The following NCF1 variants were observed in gnomAD, a reference collection of about 807,000 sequenced individuals.
NCF1 encodes the protein neutrophil cytosolic factor 1, also known as neutrophil cytosol factor 1.
Under a neutral mutation model 34.9 loss-of-function variants are expected in NCF1, and 8 were observed. The ratio of observed to expected loss-of-function variants is 0.23; its 90% CI spans 0.13 to 0.41. The LOEUF is 0.41. Among genes scored for constraint, NCF1 ranks in the 10% least tolerant of loss-of-function variants. The pLI is 1.00. For missense variants in NCF1, 122 were observed against 362.4 expected, an observed-to-expected ratio of 0.34 and a Z score of 5.39; for synonymous variants, 57 against 146.3, an observed-to-expected ratio of 0.39 and a Z score of 4.41.
chr7:74,783,051 G>A lies in NCF1; in HGVS notation c.564G>A (p.Lys188=), dbSNP rs151319713. The A allele has an allele frequency of 9.3e-6, 15 of 1,611,378 alleles. No individual in the cohort carries two copies. The highest frequency in any genetic ancestry group is 1.3e-5 in the African/African-American group (1 of 74,682). The part of the protein sequence containing the change: ...STGDVVEVVE[K]SESGWWFCQM... ...GGGACGTGGTGGAGGTCGTAGAGAA[G>A]AGCGAGAGCGGTCAGACCTCCCACC... Residue 188 remains lysine, a synonymous_variant, in exon 6 of 11, where the codon AAG becomes AAA. Transcript: ENST00000289473.
Position 74,783,002 on chromosome 7 carries a change from G to A in NCF1, c.515G>A (p.Gly172Asp). Reference sequence around the variant, plus strand: ...ATTGCCAACTACGAGAAGACCTCGGGCTCCGAGATGGCTCTGTCCACGGGG... The same window carrying A: ...ATTGCCAACTACGAGAAGACCTCGGACTCCGAGATGGCTCTGTCCACGGGG... ...RAIANYEKTS[G>D]SEMALSTGDV... Residue 172 changes from glycine to aspartate, a missense_variant, in exon 6 of 11, where the codon GGC (glycine) becomes GAC (aspartate). Coordinates refer to ENST00000289473, the MANE Select transcript of NCF1 (RefSeq NM_000265.7). 1.9e-6 allele frequency: 3 copies of A among 1,611,408 alleles called. No homozygotes were observed. Among genetic ancestry groups the A allele is most frequent in the Non-Finnish European group, 2.5e-6 (3 of 1,179,664 alleles).
chr7:74,783,104 G>A (rs782783154), intron 6 of NCF1, 43 bp downstream of exon 6: 8 of 1,585,480 alleles, frequency 5.0e-6, no homozygotes, highest in Non-Finnish European at 6.9e-6. Context: ...CTGGTGCTCA[G>A]GAACCCACAG....
rs782656910 is a variant in NCF1 at position 74,788,703 on chromosome 7, C to G, written c.1050C>G (p.Leu350=). 3.7e-5 allele frequency: 57 copies of G among 1,549,056 alleles called. No homozygotes were observed. The highest frequency in any genetic ancestry group is 1.4e-4 in the Admixed American group (7 of 51,810). ...GACCGCAGAGCCCCGGGAGCCCGCT[C>G]GGTGAGTGCAGCGGGAGAGGGCAGG... ...RPGPQSPGSP[L]EEERQTQRSK... Residue 350 remains leucine, a splice_region_variant and synonymous_variant, in exon 10 of 11, where the codon CTC becomes CTG. Transcript: ENST00000289473.
chr7:74,783,158 G>A, intron 6 of NCF1, 97 bp downstream of exon 6: 2 of 1,568,114 alleles, frequency 1.3e-6, no homozygotes, highest in Middle Eastern at 2.0e-4. Context: ...GCCCCTGGGA[G>A]GACTCCGGCT....
chr7:74,777,413 T>C (rs1796492075), intron 2 of NCF1, 66 bp downstream of exon 2: 1 of 1,279,784 alleles, frequency 7.8e-7, no homozygotes. Flanking sequence ...GGAAGGACCT[T>C]AGCCCAGGTG....
chr7:74,786,580 G>A (rs1484820455), intron 8 of NCF1, among the ~76,000 whole-genome samples: 1 of 152,032 alleles, frequency 6.6e-6, no homozygotes, highest in Non-Finnish European at 1.5e-5. Flanking sequence ...TGTAGGGATG[G>A]GGTCTCACTA....
At chr7:74,782,387 C>A in intron 5 of NCF1, among the ~76,000 whole-genome samples, 1 of 75,842 alleles carries the variant, frequency 1.3e-5, no homozygotes, top group African/African-American at 5.8e-5. Context: ...TGCAATGAGC[C>A]AAGATTGCAC....
chr7:74,777,644 G>T (rs4029401), intron 2 of NCF1: 2 of 347,890 alleles, frequency 5.7e-6, no homozygotes, highest in Non-Finnish European at 1.1e-5. Context: ...CTGCAGCCTC[G>T]ACCTCTGGGG....
At position 74,788,024 on chromosome 7, in the gene NCF1, C is replaced by T. The variant is rs1796705782; in HGVS notation, c.841C>T (p.Gln281Ter). 5.2e-6 allele frequency: 1 copy of T among 193,982 alleles called. No individual in the cohort carries two copies. Among genetic ancestry groups the T allele is most frequent in the Non-Finnish European group, 8.2e-6 (1 of 121,320 alleles). 12.0% of individuals were successfully genotyped at this position (193,982 alleles called of 1,614,324 possible). The change falls in exon 9 of 11, where the codon CAA (glutamine) becomes TAA (stop). Residue 281 changes from glutamine (Q) to a stop codon, truncating the protein, a stop_gained. Coordinates refer to ENST00000289473, the MANE Select transcript of NCF1 (RefSeq NM_000265.7). LOFTEE classifies it high-confidence loss of function. ...VTGYFPSMYL[Q>*]KSGQDVSQAQ... ...AGGCTACTTCCCGTCCATGTACCTGCAAAAGTCAGGGCAAGACGTGTCCCA... is the reference window on the plus strand; with the variant it reads ...AGGCTACTTCCCGTCCATGTACCTGTAAAAGTCAGGGCAAGACGTGTCCCA...
At position 74,783,557 on chromosome 7, in the gene NCF1, G is replaced by T. The variant is rs1428122029; in HGVS notation, c.607G>T (p.Gly203Cys). 1 of 1,611,892 alleles carries T rather than the reference G, an allele frequency of 6.2e-7. No individual in the cohort carries two copies. The highest frequency in any genetic ancestry group is 1.7e-5 in the Admixed American group (1 of 59,994). ...WWFCQMKAKR[G>C]WIPASFLEPL... ...GTTCTGTCAGATGAAAGCAAAGCGAGGCTGGATCCCAGCGTCCTTCCTCGA... is the reference window on the plus strand; with the variant it reads ...GTTCTGTCAGATGAAAGCAAAGCGATGCTGGATCCCAGCGTCCTTCCTCGA... The change falls in exon 7 of 11, where the codon GGC becomes TGC. Residue 203 changes from glycine (G) to cysteine (C), a missense_variant. Gly to Cys is a radical substitution (Grantham distance 159). Transcript: ENST00000289473.
At chr7:74,777,927 AAAAC>A (rs587631188) in intron 2 of NCF1, among the ~76,000 whole-genome samples, 820 of 73,550 alleles carry the variant, frequency 0.011, 2 homozygotes, top group African/African-American at 0.043. Flanking sequence ...ATTTTAAAGT[AAAAC>A]AGACAGGATC....
At chr7:74,777,693 G>A in intron 2 of NCF1, 3 of 322,638 alleles carry the variant, frequency 9.3e-6, no homozygotes, top group South Asian at 7.6e-5. Context: ...TGAGTAGCTG[G>A]GACTATAGGT....
chr7:74,788,595 G>C lies in NCF1; in HGVS notation c.942G>C (p.Arg314=). Residue 314 remains arginine, a synonymous_variant, in exon 10 of 11, where the codon CGG becomes CGC. Transcript: ENST00000289473. The stretch of plus-strand genomic sequence containing the variant: ...GCAACGCGCACAGCATCCACCAGCG[G>C]TCGCGGAAGCGCCTCAGCCAGGACG... ...SIRNAHSIHQ[R]SRKRLSQDAY... is the part of the protein sequence containing the mutation. 1 of 1,551,650 alleles carries C rather than the reference G, an allele frequency of 6.4e-7. No homozygotes were observed. Among genetic ancestry groups the C allele is most frequent in the Non-Finnish European group, 8.7e-7 (1 of 1,150,738 alleles).
intron 10 of NCF1, 75 bp downstream of exon 10, chr7:74,788,779 G>A: frequency 6.7e-7 from 1 of 1,499,806 alleles, no homozygotes; most frequent in African/African-American, 1.4e-5. Flanking sequence ...GCCAGAGGTA[G>A]GGCCAGAGTA....
rs1360970469 is a variant in NCF1 at position 74,782,816 on chromosome 7, G to A, written c.452-123G>A. ...GACATGTTTGAAGTGTGAGGCCGAA[G>A]CCTGGAGAACGCTATGCGCCCAGGA... On this transcript the variant is annotated intron_variant, in intron 5 of 10. Transcript: ENST00000289473. The A allele has an allele frequency of 5.9e-6, 6 of 1,015,178 alleles. No individual in the cohort carries two copies. In the East Asian group the frequency reaches 1.5e-4, roughly 25 times the overall value. 62.9% of individuals were successfully genotyped at this position (1,015,178 alleles called of 1,614,324 possible).
At chr7:74,778,785 C>T (rs1796523648) in intron 2 of NCF1, among the ~76,000 whole-genome samples, 1 of 131,060 alleles carries the variant, frequency 7.6e-6, no homozygotes. Context: ...AGCGATTCTC[C>T]CACCTCAGCC....
At chr7:74,783,179 C>T (rs1796607124) in intron 6 of NCF1, 118 bp downstream of exon 6, 4 of 1,530,956 alleles carry the variant, frequency 2.6e-6, no homozygotes, top group Non-Finnish European at 8.9e-7. Context: ...CTGTTAGGGG[C>T]CCTAAATGTC....
intron 10 of NCF1, 71 bp downstream of exon 10, chr7:74,788,775 G>A: frequency 4.7e-6 from 7 of 1,505,322 alleles, no homozygotes; most frequent in Non-Finnish European, 6.2e-6. Flanking sequence ...CGGGGCCAGA[G>A]GTAGGGCCAG....
intron 5 of NCF1, among the ~76,000 whole-genome samples, chr7:74,781,899 T>C (rs800980): frequency 0.88 from 129,945 of 147,616 alleles, 57,300 homozygotes; most frequent in East Asian, 0.99. Context: ...CTCATTTTAA[T>C]TTAATTACCT....
Sources: gnomAD v4.1 joint callset for allele counts (sites outside exome capture counted in the v4.1 genomes callset) on GRCh38, gnomAD v4.1.1 for gene constraint, MANE v1.5 for transcripts, NCBI Gene and HGNC (gene_info 2026-07-23, HGNC 2026-07-21) for gene names.